The following AJAP1 variants were observed in gnomAD, a reference collection of about 807,000 sequenced individuals.
AJAP1 encodes the protein adherens junction-associated protein 1.
In AJAP1, 5 loss-of-function variants were observed where a neutral mutation model predicts 35.0. The ratio of observed to expected loss-of-function variants is 0.14; its 90% CI spans 0.07 to 0.30. AJAP1 has a LOEUF of 0.30. Ranked by LOEUF, AJAP1 falls within the 10% of genes least tolerant of loss-of-function variation. AJAP1 has a pLI of 1.00. For synonymous variants in AJAP1, 284 were observed against 249.3 expected, an observed-to-expected ratio of 1.14 and a Z score of -1.31; for missense variants, 586 against 571.0, an observed-to-expected ratio of 1.03 and a Z score of -0.27.
intron 2 of AJAP1, among the ~76,000 whole-genome samples, chr1:4,728,663 A>G (rs1640727293): frequency 6.6e-6 from 1 of 152,190 alleles, no homozygotes; most frequent in African/African-American, 2.4e-5. Flanking sequence ...ACCCTCAGGC[A>G]CAACTGCAGA....
At chr1:4,701,000 C>T (rs920849281) in intron 1 of AJAP1, among the ~76,000 whole-genome samples, 14 of 152,338 alleles carry the variant, frequency 9.2e-5, no homozygotes, top group South Asian at 2.1e-4. Flanking sequence ...TGCCACCCAC[C>T]GTCCTGCCCA....
intron 1 of AJAP1, among the ~76,000 whole-genome samples, chr1:4,658,626 GC>G (rs1481717543): frequency 6.6e-6 from 1 of 152,242 alleles, no homozygotes; most frequent in African/African-American, 2.4e-5. Flanking sequence ...AATTTAGGAG[GC>G]AGCTCAAATC....
intron 1 of AJAP1, among the ~76,000 whole-genome samples, chr1:4,710,053 G>C (rs1044321364): frequency 5.3e-5 from 8 of 151,862 alleles, no homozygotes; most frequent in Non-Finnish European, 1.2e-4. Flanking sequence ...GACACACACA[G>C]ACACACTCAC....
rs565114091 is a variant in AJAP1 at position 4,738,819 on chromosome 1, G to A, written c.829+26120G>A. Among the ~76,000 whole-genome samples the A allele has an allele frequency of 1.6e-4, 24 of 152,244 alleles. 1 individual carries two copies. The highest frequency in any genetic ancestry group is 1.4e-3 in the Admixed American group (22 of 15,292). On this transcript the variant is annotated intron_variant, in intron 2 of 5. Coordinates refer to ENST00000378191, the MANE Select transcript of AJAP1 (RefSeq NM_018836.4). ...GGACATGCATGGACAAAATGTGGGC[G>A]GAGGCCACCACTTGACTTGGCTCTT...
intron 1 of AJAP1, among the ~76,000 whole-genome samples, chr1:4,710,321 C>T (rs1257708658): frequency 6.6e-6 from 1 of 152,070 alleles, no homozygotes; most frequent in East Asian, 1.9e-4. Flanking sequence ...ACACCCTGGC[C>T]CTCACTCACG....
chr1:4,721,314 G>A (rs768015288), intron 2 of AJAP1, among the ~76,000 whole-genome samples: 2 of 152,152 alleles, frequency 1.3e-5, no homozygotes, highest in Non-Finnish European at 2.9e-5. Context: ...TACCTCTTCC[G>A]CCTGAAGCAT....
At chr1:4,681,473 A>G (rs1445125277) in intron 1 of AJAP1, among the ~76,000 whole-genome samples, 2 of 152,202 alleles carry the variant, frequency 1.3e-5, no homozygotes, top group Non-Finnish European at 2.9e-5. Context: ...GAAAGGGCCC[A>G]TAGGCAGTAA....
At chr1:4,715,034 G>A (rs1640356692) in intron 2 of AJAP1, among the ~76,000 whole-genome samples, 1 of 152,134 alleles carries the variant, frequency 6.6e-6, no homozygotes, top group Non-Finnish European at 1.5e-5. Context: ...CAAGTAGAGG[G>A]GGATGGGGCA....
At chr1:4,674,266 C>G (rs921035453) in intron 1 of AJAP1, among the ~76,000 whole-genome samples, 1 of 152,146 alleles carries the variant, frequency 6.6e-6, no homozygotes, top group African/African-American at 2.4e-5. Context: ...GGTTGGCACA[C>G]CACAGTCTGT....
chr1:4,756,116 A>G (rs920994145), intron 2 of AJAP1, among the ~76,000 whole-genome samples: 1 of 152,202 alleles, frequency 6.6e-6, no homozygotes, highest in African/African-American at 2.4e-5. Context: ...GAGTTTCGCC[A>G]GGCAGAGGAT....
chr1:4,677,513 G>A (rs184236611), intron 1 of AJAP1, among the ~76,000 whole-genome samples: 37 of 152,014 alleles, frequency 2.4e-4, no homozygotes, highest in Admixed American at 1.8e-3. Flanking sequence ...TTTCCAGAGG[G>A]GATTCCACCT....
At chr1:4,672,133 G>C (rs1639264013) in intron 1 of AJAP1, among the ~76,000 whole-genome samples, 1 of 152,180 alleles carries the variant, frequency 6.6e-6, no homozygotes, top group African/African-American at 2.4e-5. Flanking sequence ...TATTATCTGG[G>C]ATTGTTGTGA....
At chr1:4,754,934 A>G (rs1381930680) in intron 2 of AJAP1, among the ~76,000 whole-genome samples, 4 of 152,174 alleles carry the variant, frequency 2.6e-5, no homozygotes, top group Non-Finnish European at 5.9e-5. Context: ...CCTGACTTGC[A>G]ACAGCCCCAG....
chr1:4,737,425 C>T (rs182311976), intron 2 of AJAP1, among the ~76,000 whole-genome samples: 40 of 151,804 alleles, frequency 2.6e-4, no homozygotes, highest in African/African-American at 8.2e-4. Flanking sequence ...TTCTGGGGCT[C>T]GTGTTGGATT....
At chr1:4,716,011 A>C (rs920213509) in intron 2 of AJAP1, among the ~76,000 whole-genome samples, 2 of 152,250 alleles carry the variant, frequency 1.3e-5, no homozygotes, top group Admixed American at 1.3e-4. Context: ...CTTTGGTATC[A>C]CACTTGGGGA....
At chr1:4,659,825 G>T (rs1638963073) in intron 1 of AJAP1, among the ~76,000 whole-genome samples, 1 of 152,222 alleles carries the variant, frequency 6.6e-6, no homozygotes, top group Non-Finnish European at 1.5e-5. Flanking sequence ...CATTCCATAA[G>T]ACATGCCCGT....
intron 1 of AJAP1, among the ~76,000 whole-genome samples, chr1:4,690,129 G>A (rs1639705885): frequency 6.6e-6 from 1 of 152,190 alleles, no homozygotes; most frequent in Admixed American, 6.5e-5. Flanking sequence ...GTGGAGCATG[G>A]GGCGACACCA....
At chr1:4,683,103 G>T (rs768689270) in intron 1 of AJAP1, among the ~76,000 whole-genome samples, 2 of 152,210 alleles carry the variant, frequency 1.3e-5, no homozygotes, top group Non-Finnish European at 2.9e-5. Context: ...AGATGGTGGG[G>T]GTTCAAATTT....
chr1:4,669,997 T>C (rs1395579979), intron 1 of AJAP1, among the ~76,000 whole-genome samples: 1 of 152,162 alleles, frequency 6.6e-6, no homozygotes, highest in Non-Finnish European at 1.5e-5. Context: ...TGCTACAGCA[T>C]TTGTGTGATC....
Sources: allele counts gnomAD v4.1 joint callset (sites outside exome capture counted in the v4.1 genomes callset), GRCh38; gene constraint gnomAD v4.1.1; transcripts MANE v1.5; gene names NCBI Gene and HGNC (gene_info 2026-07-23, HGNC 2026-07-21).